Variants in LNPEP observed in about 807,000 individuals in gnomAD.
LNPEP encodes leucyl-cystinyl aminopeptidase.
A neutral mutation model predicts 120.6 loss-of-function variants in LNPEP; 64 were observed. That is an observed-to-expected ratio of 0.53 (90% CI 0.43 to 0.65). The LOEUF is 0.65. LNPEP is among the 30% of genes least tolerant of loss of function. The pLI is 0.00. For synonymous variants in LNPEP, 435 were observed against 425.4 expected, an observed-to-expected ratio of 1.02 and a Z score of -0.28; for missense variants, 1,057 against 1,200.0, an observed-to-expected ratio of 0.88 and a Z score of 1.76.
chr5:96,966,476 G>A (rs1290744937), intron 1 of LNPEP, among the ~76,000 whole-genome samples: 9 of 150,352 alleles, frequency 6.0e-5, no homozygotes, highest in Non-Finnish European at 5.9e-5. Flanking sequence ...CTCCAACCTG[G>A]GTCACAGAGT....
chr5:96,957,675 CAGAA>C (rs1015522931), intron 1 of LNPEP, among the ~76,000 whole-genome samples: 1 of 152,142 alleles, frequency 6.6e-6, no homozygotes, highest in Non-Finnish European at 1.5e-5. Flanking sequence ...AGCTGAAAAA[CAGAA>C]AGAAACGGAT....
intron 8 of LNPEP, among the ~76,000 whole-genome samples, chr5:97,001,316 G>A (rs142097904): frequency 1.5e-3 from 235 of 152,314 alleles, no homozygotes; most frequent in African/African-American, 5.2e-3. Flanking sequence ...ATACGAGAGA[G>A]GGGTCAGGGT....
At chr5:97,015,187 A>G in intron 13 of LNPEP, 92 bp downstream of exon 13, 3 of 789,324 alleles carry the variant, frequency 3.8e-6, no homozygotes, top group Non-Finnish European at 1.8e-6. Flanking sequence ...TGAAAAAGCA[A>G]CCAGTTAAAT....
chr5:97,015,499 G>A (rs1044647042), intron 13 of LNPEP, among the ~76,000 whole-genome samples: 8 of 152,066 alleles, frequency 5.3e-5, no homozygotes, highest in Non-Finnish European at 1.0e-4. Context: ...CTGTTTAAGG[G>A]TTCTTACTGA....
At position 96,958,472 on chromosome 5, in the gene LNPEP, A is replaced by G. The variant is rs1789521732; in HGVS notation, c.20-20666A>G. On this transcript the variant is annotated intron_variant, in intron 1 of 17. Coordinates refer to ENST00000231368, the MANE Select transcript of LNPEP (RefSeq NM_005575.3). ...GCAAGCTCCTAACTCCACTAAGTAC[A>G]GAAGTGGAGCCGTACAGCCATGAAT... 6.1e-6 allele frequency: 6 copies of G among 984,708 alleles called. No homozygotes were observed. In the South Asian group the frequency reaches 1.9e-4, roughly 31 times the overall value. 61.0% of individuals were successfully genotyped at this position (984,708 alleles called of 1,614,324 possible).
Position 97,006,238 on chromosome 5 carries a change from A to C in LNPEP, c.1946+5A>C, listed in dbSNP as rs1471691069. On this transcript the variant is annotated splice_donor_5th_base_variant and intron_variant, in intron 10 of 17. Transcript: ENST00000231368. ...AATTCAGCCTTCAGATACAAGGTAC[A>C]TGCCCTCTTTCTTTTCATGCCATCT... 3.1e-6 allele frequency: 5 copies of C among 1,594,750 alleles called. No individual in the cohort carries two copies. The highest frequency in any genetic ancestry group is 3.4e-6 in the Non-Finnish European group (4 of 1,171,850).
At chr5:96,962,561 G>A (rs896846313) in intron 1 of LNPEP, 1 of 151,970 alleles carries the variant, frequency 6.6e-6, no homozygotes, top group East Asian at 1.9e-4. Flanking sequence ...GAAAGATGAA[G>A]TAACTTGCTT....
intron 1 of LNPEP, among the ~76,000 whole-genome samples, chr5:96,973,828 CT>C (rs1321336567): frequency 6.6e-6 from 1 of 152,100 alleles, no homozygotes; most frequent in Non-Finnish European, 1.5e-5. Context: ...AAGTTTGCTT[CT>C]TTTAGTTCAA....
intron 11 of LNPEP, chr5:97,010,641 A>G (rs1233021279): frequency 1.0e-6 from 1 of 985,092 alleles, no homozygotes; most frequent in African/African-American, 1.7e-5. Context: ...TCATTGACAA[A>G]TGGTTTTTAA....
intron 8 of LNPEP, among the ~76,000 whole-genome samples, chr5:97,001,731 C>T (rs1347554403): frequency 6.6e-6 from 1 of 152,122 alleles, no homozygotes; most frequent in African/African-American, 2.4e-5. Flanking sequence ...TAGTGTCTTG[C>T]AGCTCTCAAG....
intron 11 of LNPEP, among the ~76,000 whole-genome samples, chr5:97,009,113 C>T (rs1283042682): frequency 6.6e-6 from 1 of 152,168 alleles, no homozygotes; most frequent in Non-Finnish European, 1.5e-5. Flanking sequence ...CTCAAACATG[C>T]CATACTGCCT....
chr5:96,992,557 G>A (rs1790414019), intron 4 of LNPEP, among the ~76,000 whole-genome samples: 2 of 152,092 alleles, frequency 1.3e-5, no homozygotes, highest in South Asian at 2.1e-4. Flanking sequence ...TCAGTGTTGA[G>A]TGCCTGCTAG....
chr5:96,980,619 A>G (rs1790099875), intron 2 of LNPEP, among the ~76,000 whole-genome samples: 1 of 152,170 alleles, frequency 6.6e-6, no homozygotes, highest in Non-Finnish European at 1.5e-5. Context: ...CATTCATAGC[A>G]TGTAGTTTGA....
At chr5:96,971,212 C>T (rs1331724759) in intron 1 of LNPEP, among the ~76,000 whole-genome samples, 2 of 152,050 alleles carry the variant, frequency 1.3e-5, no homozygotes, top group African/African-American at 2.4e-5. Flanking sequence ...AGGCCTCCAC[C>T]GTTGACATGA....
intron 1 of LNPEP, among the ~76,000 whole-genome samples, chr5:96,946,676 A>G (rs1382241436): frequency 2.0e-5 from 3 of 152,368 alleles, no homozygotes; most frequent in Middle Eastern, 3.4e-3. Context: ...GTTAATGATA[A>G]GCAAACTGGC....
At position 96,936,119 on chromosome 5, in the gene LNPEP, G is replaced by A. The variant is rs1308577252; in HGVS notation, c.-37G>A. ...CCTCAGCTCTCGGAGTAGGAAGCTC[G>A]GGCGCTCCGGCTGTAAGGAGCCGCG... On this transcript the variant is annotated 5_prime_UTR_variant, in exon 1 of 18. Coordinates refer to ENST00000231368, the MANE Select transcript of LNPEP (RefSeq NM_005575.3). The A allele has an allele frequency of 3.0e-5, 46 of 1,514,428 alleles. No homozygotes were observed. Among genetic ancestry groups the A allele is most frequent in the Non-Finnish European group, 3.9e-5 (44 of 1,131,598 alleles). 93.8% of individuals were successfully genotyped at this position (1,514,428 alleles called of 1,614,324 possible).
chr5:96,971,211 C>T (rs1055737662), intron 1 of LNPEP, among the ~76,000 whole-genome samples: 2 of 151,968 alleles, frequency 1.3e-5, no homozygotes, highest in African/African-American at 2.4e-5. Context: ...CAGGCCTCCA[C>T]CGTTGACATG....
chr5:96,949,896 A>T (rs1365719884), intron 1 of LNPEP, among the ~76,000 whole-genome samples: 1 of 152,228 alleles, frequency 6.6e-6, no homozygotes, highest in Non-Finnish European at 1.5e-5. Flanking sequence ...GAGGTCAGTC[A>T]GTCTGTCTAT....
At chr5:96,947,015 A>ATT (rs762283888) in intron 1 of LNPEP, among the ~76,000 whole-genome samples, 5 of 152,238 alleles carry the variant, frequency 3.3e-5, no homozygotes, top group Admixed American at 2.0e-4. Context: ...TAAATAAGGA[A>ATT]TTATAGGTTA....
Sources: allele counts gnomAD v4.1 joint callset (sites outside exome capture counted in the v4.1 genomes callset), GRCh38; gene constraint gnomAD v4.1.1; transcripts MANE v1.5; gene names NCBI Gene and HGNC (gene_info 2026-07-23, HGNC 2026-07-21).